The following DOCK3 variants were observed in gnomAD, a reference collection of about 807,000 sequenced individuals.
DOCK3 encodes dedicator of cytokinesis 3, also known as dedicator of cytokinesis protein 3.
A neutral mutation model predicts 265.6 loss-of-function variants in DOCK3; 60 were observed. The ratio of observed to expected loss-of-function variants is 0.23; its 90% CI spans 0.18 to 0.28. The LOEUF (loss-of-function observed/expected upper bound fraction) is 0.28, where lower values mean the gene tolerates loss of function less well. DOCK3 is among the 10% of genes least tolerant of loss of function. DOCK3 has a pLI of 1.00. For missense variants in DOCK3, 1,981 were observed against 2,594.3 expected (o/e 0.76, Z 5.14); for synonymous variants, 881 against 938.0 (o/e 0.94, Z 1.11).
intron 9 of DOCK3, among the ~76,000 whole-genome samples, chr3:51,116,306 C>T (rs1366607075): frequency 6.6e-6 from 1 of 151,858 alleles, no homozygotes; most frequent in Non-Finnish European, 1.5e-5. Flanking sequence ...AAAAAATTAG[C>T]TGGGCGTGGT....
intron 1 of DOCK3, among the ~76,000 whole-genome samples, chr3:50,774,119 A>G (rs933502108): frequency 1.3e-5 from 2 of 152,048 alleles, no homozygotes; most frequent in Admixed American, 6.6e-5. Flanking sequence ...TACACATGCA[A>G]ATAGACTCAT....
At chr3:50,957,230 C>G (rs1003877759) in intron 5 of DOCK3, among the ~76,000 whole-genome samples, 1 of 152,114 alleles carries the variant, frequency 6.6e-6, no homozygotes, top group Non-Finnish European at 1.5e-5. Context: ...AAATAAATAG[C>G]TGTTGTCTAA....
intron 3 of DOCK3, among the ~76,000 whole-genome samples, chr3:50,844,248 C>T (rs1022534108): frequency 6.6e-6 from 1 of 152,230 alleles, no homozygotes; most frequent in Non-Finnish European, 1.5e-5. Flanking sequence ...TTGAGTCTCA[C>T]TCTGTCATCC....
intron 1 of DOCK3, among the ~76,000 whole-genome samples, chr3:50,753,375 C>T (rs190132250): frequency 1.3e-4 from 19 of 142,550 alleles, no homozygotes; most frequent in Admixed American, 9.0e-4. Context: ...CATGGTCTTA[C>T]TTTGTTGCCC....
At chr3:51,101,092 A>G (rs868019220) in intron 9 of DOCK3, among the ~76,000 whole-genome samples, 8 of 148,396 alleles carry the variant, frequency 5.4e-5, no homozygotes, top group Admixed American at 2.0e-4. Flanking sequence ...GGCATGAGCT[A>G]CCATGCTCGG....
At position 50,764,044 on chromosome 3, in the gene DOCK3, A is replaced by G. The variant is rs186904940; in HGVS notation, c.38-14631A>G. ...GTGGCTTTCCTCGTACGACTAGCTA[A>G]TGACCTACTCAGAAATTTACTTTCG... On this transcript the variant is annotated intron_variant, in intron 1 of 52. Coordinates refer to ENST00000266037, the MANE Select transcript of DOCK3 (RefSeq NM_004947.5). Among the ~76,000 whole-genome samples the G allele has an allele frequency of 3.3e-5, 5 of 152,338 alleles. No homozygotes were observed. In the East Asian group the frequency reaches 9.6e-4, roughly 29 times the overall value.
intron 5 of DOCK3, among the ~76,000 whole-genome samples, chr3:50,949,883 C>T (rs990655946): frequency 1.3e-5 from 2 of 152,016 alleles, no homozygotes; most frequent in Non-Finnish European, 2.9e-5. Context: ...TTTGGCTTTG[C>T]CGATCCTCTA....
At chr3:51,261,392 G>A (rs1338318928) in intron 23 of DOCK3, among the ~76,000 whole-genome samples, 1 of 152,176 alleles carries the variant, frequency 6.6e-6, no homozygotes, top group Admixed American at 6.5e-5. Context: ...CAGATACTAC[G>A]CTTTTCCCAT....
chr3:51,226,577 T>C (rs781174504), intron 15 of DOCK3, among the ~76,000 whole-genome samples: 14 of 152,226 alleles, frequency 9.2e-5, no homozygotes, highest in Non-Finnish European at 1.8e-4. Flanking sequence ...TTGTATGTCA[T>C]TTTAAAAACT....
rs116363397 is a variant in DOCK3 at position 50,936,609 on chromosome 3, T to C, written c.315+2532T>C. Among the ~76,000 whole-genome samples the C allele has an allele frequency of 6.4e-3, 969 of 152,250 alleles. 12 individuals are homozygous for C. Among genetic ancestry groups the C allele is most frequent in the African/African-American group, 0.022 (907 of 41,554 alleles). On this transcript the variant is annotated intron_variant, in intron 5 of 52. Coordinates refer to ENST00000266037, the MANE Select transcript of DOCK3 (RefSeq NM_004947.5). ...TGTGTCAGCAATTTGAGTAACAGGT[T>C]TCTCATCAGAAAGTATGGCAGACAG... is the stretch of plus-strand genomic sequence containing the variant.
intron 49 of DOCK3, among the ~76,000 whole-genome samples, chr3:51,372,976 C>G (rs1185815475): frequency 6.6e-6 from 1 of 152,168 alleles, no homozygotes; most frequent in Non-Finnish European, 1.5e-5. Context: ...CATTCTCTTA[C>G]AAGTGAAAGG....
At chr3:51,171,983 A>G (rs569751291) in intron 12 of DOCK3, among the ~76,000 whole-genome samples, 30 of 152,196 alleles carry the variant, frequency 2.0e-4, no homozygotes, top group African/African-American at 6.0e-4. Flanking sequence ...AACTATTAAT[A>G]TTTGCTTTAT....
At chr3:50,783,150 G>A (rs1310137520) in intron 2 of DOCK3, among the ~76,000 whole-genome samples, 3 of 152,120 alleles carry the variant, frequency 2.0e-5, no homozygotes, top group African/African-American at 2.4e-5. Context: ...GTGTGCATGC[G>A]TCTTTTTTGT....
chr3:51,083,315 A>C (rs1259775669), intron 7 of DOCK3, among the ~76,000 whole-genome samples: 1 of 152,200 alleles, frequency 6.6e-6, no homozygotes, highest in South Asian at 2.1e-4. Context: ...TATGTAAACC[A>C]ATCTATAAAA....
chr3:51,212,262 G>A (rs769110982), intron 13 of DOCK3, among the ~76,000 whole-genome samples: 2 of 152,104 alleles, frequency 1.3e-5, no homozygotes, highest in Non-Finnish European at 2.9e-5. Context: ...GGATCCCTTT[G>A]GGTAGCTCAA....
intron 7 of DOCK3, among the ~76,000 whole-genome samples, chr3:51,085,452 C>G (rs1256420164): frequency 1.3e-5 from 2 of 152,104 alleles, no homozygotes; most frequent in Non-Finnish European, 2.9e-5. Context: ...TTTGAAAAAT[C>G]AAAATCATGT....
intron 9 of DOCK3, among the ~76,000 whole-genome samples, chr3:51,105,225 A>G (rs1397053333): frequency 2.0e-5 from 3 of 152,192 alleles, no homozygotes; most frequent in Non-Finnish European, 4.4e-5. Flanking sequence ...AAAGAAGATG[A>G]TAAAGAACAT....
intron 24 of DOCK3, among the ~76,000 whole-genome samples, chr3:51,273,667 C>G (rs2080639458): frequency 6.6e-6 from 1 of 152,172 alleles, no homozygotes; most frequent in Non-Finnish European, 1.5e-5. Context: ...AAGCATTTGA[C>G]AAGGCAGTGC....
chr3:50,884,086 C>A (rs1291921785), intron 3 of DOCK3, among the ~76,000 whole-genome samples: 2 of 151,320 alleles, frequency 1.3e-5, no homozygotes, highest in Non-Finnish European at 2.9e-5. Context: ...AAGTATATAC[C>A]ATTCTTTTTT....
Sources: allele counts gnomAD v4.1 joint callset (sites outside exome capture counted in the v4.1 genomes callset), GRCh38; gene constraint gnomAD v4.1.1; transcripts MANE v1.5; gene names NCBI Gene and HGNC (gene_info 2026-07-23, HGNC 2026-07-21).